RNF111: variants seen among roughly 807,000 people sequenced by gnomAD.
RNF111 encodes the protein ring finger protein 111.
In RNF111, 17 loss-of-function variants were observed where a neutral mutation model predicts 95.1. That is an observed-to-expected ratio of 0.18 (90% CI 0.12 to 0.27). The LOEUF (loss-of-function observed/expected upper bound fraction) is 0.27, where lower values mean the gene tolerates loss of function less well. Among genes scored for constraint, RNF111 ranks in the 10% least tolerant of loss-of-function variants. The pLI is 1.00. For synonymous variants in RNF111, 440 were observed against 414.8 expected (o/e 1.06, Z -0.74); for missense variants, 1,189 against 1,210.4 (o/e 0.98, Z 0.26).
chr15:59,010,593 G>C (rs1025542678), intron 1 of RNF111, among the ~76,000 whole-genome samples: 3 of 151,924 alleles, frequency 2.0e-5, no homozygotes. Flanking sequence ...GTAGGGACAG[G>C]GTTTTACCAT....
intron 6 of RNF111, among the ~76,000 whole-genome samples, chr15:59,070,814 G>A (rs1292226210): frequency 2.6e-5 from 4 of 152,032 alleles, no homozygotes; most frequent in African/African-American, 4.8e-5. Context: ...GGTTCCTCTC[G>A]GGACTGTTGG....
At chr15:59,051,867 A>G (rs567985715) in intron 2 of RNF111, among the ~76,000 whole-genome samples, 1 of 152,092 alleles carries the variant, frequency 6.6e-6, no homozygotes, top group Admixed American at 6.5e-5. Flanking sequence ...GTGTTTTTTT[A>G]AAAGAATATA....
At chr15:59,037,219 G>C (rs147608103) in intron 2 of RNF111, among the ~76,000 whole-genome samples, 144 of 152,070 alleles carry the variant, frequency 9.5e-4, no homozygotes, top group African/African-American at 3.3e-3. Context: ...ACTTTATTAG[G>C]GATTTCTATT....
intron 1 of RNF111, among the ~76,000 whole-genome samples, chr15:58,992,595 A>G (rs2038867820): frequency 6.6e-6 from 1 of 152,078 alleles, no homozygotes; most frequent in Non-Finnish European, 1.5e-5. Context: ...AGGAAGGTGG[A>G]TTGCTTGAGC....
chr15:58,990,163 T>C (rs552945526), intron 1 of RNF111, among the ~76,000 whole-genome samples: 5 of 152,356 alleles, frequency 3.3e-5, no homozygotes, highest in Admixed American at 2.0e-4. Context: ...TTGTTAACCC[T>C]CCTTGGGCTT....
At chr15:58,990,558 G>A (rs532870137) in intron 1 of RNF111, among the ~76,000 whole-genome samples, 7 of 152,326 alleles carry the variant, frequency 4.6e-5, no homozygotes, top group Middle Eastern at 3.4e-3. Flanking sequence ...GCTGAGGCAG[G>A]AGAATGGCTT....
chr15:59,085,645 C>T lies in RNF111; in HGVS notation c.2424-14C>T, dbSNP rs2078876121. ...ACCCTAAGGAGGATTAAACTGTTCT[C>T]ATCCTTTCGTTAGGGAACTGGGAAT... On this transcript the variant is annotated splice_polypyrimidine_tract_variant and intron_variant, in intron 9 of 13. Coordinates refer to ENST00000348370, the MANE Select transcript of RNF111 (RefSeq NM_017610.8). 6.2e-7 allele frequency: 1 copy of T among 1,612,052 alleles called. No individual in the cohort carries two copies. The highest frequency in any genetic ancestry group is 8.5e-7 in the Non-Finnish European group (1 of 1,178,906).
At chr15:58,998,570 C>T (rs1466048789) in intron 1 of RNF111, among the ~76,000 whole-genome samples, 1 of 152,156 alleles carries the variant, frequency 6.6e-6, no homozygotes, top group Non-Finnish European at 1.5e-5. Context: ...CTAGTCACTT[C>T]TTTCATGGAA....
At chr15:59,041,178 G>A (rs761486112) in intron 2 of RNF111, among the ~76,000 whole-genome samples, 1 of 152,072 alleles carries the variant, frequency 6.6e-6, no homozygotes, top group Non-Finnish European at 1.5e-5. Context: ...TCCCTTGCAT[G>A]GTTGTACCAG....
In RNF111 at chr15:59,095,182, C is replaced by T. The variant is rs374995639; in HGVS notation, c.*282C>T. 15 of 302,354 alleles carry T rather than the reference C, an allele frequency of 5.0e-5. No homozygotes were observed. In the East Asian group the frequency reaches 1.5e-3, roughly 30 times the overall value. The allele number at this position is 302,354 out of a possible 1,614,324, so 18.7% of individuals were successfully genotyped here. A position where few individuals can be genotyped will look rare whatever the true frequency, so the allele number is the denominator to read the frequency against. ...TGCATTTCTTTGCACATATTATGGG[C>T]TTGTGACCCTAAACTTGCAGGCAAG... On this transcript the variant is annotated 3_prime_UTR_variant, in exon 14 of 14. Transcript: ENST00000348370.
intron 1 of RNF111, among the ~76,000 whole-genome samples, chr15:59,005,241 G>A (rs1413683743): frequency 6.6e-6 from 1 of 152,138 alleles, no homozygotes; most frequent in African/African-American, 2.4e-5. Context: ...TGCCTAGGCT[G>A]ATCTCAAACT....
chr15:59,052,805 G>A (rs1360065867), intron 3 of RNF111, among the ~76,000 whole-genome samples: 3 of 151,920 alleles, frequency 2.0e-5, no homozygotes, highest in Admixed American at 1.3e-4. Flanking sequence ...TCCCATACTT[G>A]AACTAGAATT....
chr15:59,063,434 G>A (rs755288571), intron 5 of RNF111, among the ~76,000 whole-genome samples: 1 of 152,126 alleles, frequency 6.6e-6, no homozygotes, highest in Non-Finnish European at 1.5e-5. Flanking sequence ...CTCCTAGGAG[G>A]CACTTTAACC....
At chr15:59,044,241 G>C (rs2041604678) in intron 2 of RNF111, among the ~76,000 whole-genome samples, 1 of 152,186 alleles carries the variant, frequency 6.6e-6, no homozygotes, top group Non-Finnish European at 1.5e-5. Context: ...ATGTTGGCCA[G>C]ATTGGTCTCA....
At chr15:59,015,133 A>G (rs1475460057) in intron 1 of RNF111, among the ~76,000 whole-genome samples, 5 of 152,212 alleles carry the variant, frequency 3.3e-5, no homozygotes, top group African/African-American at 1.2e-4. Flanking sequence ...ACTTACTAGG[A>G]CCAAAGTCGA....
rs1238076150 is a variant in RNF111, at chr15:59,091,038, CATTAT to C, written c.2644-17_2644-13del. 1 of 1,450,620 alleles carries C rather than the reference CATTAT, an allele frequency of 6.9e-7. No homozygotes were observed. The highest frequency in any genetic ancestry group is 1.2e-5 in the South Asian group (1 of 85,736). 89.9% of individuals were successfully genotyped at this position (1,450,620 alleles called of 1,614,324 possible). A position where few individuals can be genotyped will look rare whatever the true frequency, so the allele number is the denominator to read the frequency against. ...AATAATCATCTTGGCTTTTACCAGT[CATTAT>C]ATTCTTCACTTTCAGGAACTGATTC... On this transcript the variant is annotated splice_polypyrimidine_tract_variant and intron_variant, in intron 11 of 13. Transcript: ENST00000348370.
intron 10 of RNF111, among the ~76,000 whole-genome samples, chr15:59,087,381 T>C (rs1462966608): frequency 2.0e-5 from 3 of 152,158 alleles, no homozygotes; most frequent in Admixed American, 2.0e-4. Context: ...ACTTGAACAA[T>C]GCAGAGGTTA....
chr15:59,031,543 G>C lies in RNF111; in HGVS notation c.721G>C (p.Val241Leu), dbSNP rs760814492. 4.3e-6 allele frequency: 7 copies of C among 1,614,114 alleles called. No homozygotes were observed. The Admixed American group carries it at 1.2e-4, about 27-fold the overall frequency. ...RILMQRKKRE[V>L]LARRKYALLP... The stretch of plus-strand genomic sequence containing the variant: ...ATTAATGCAGAGGAAGAAACGAGAA[G>C]TGTTAGCTCGAAGAAAATATGCCTT... The change falls in exon 2 of 14, where the codon GTG becomes CTG. Residue 241 changes from valine (V) to leucine (L), a missense_variant. By Grantham distance (32) the Val-to-Leu change is conservative. Transcript: ENST00000348370.
At chr15:58,996,908 C>A (rs2039101176) in intron 1 of RNF111, among the ~76,000 whole-genome samples, 1 of 152,034 alleles carries the variant, frequency 6.6e-6, no homozygotes, top group Non-Finnish European at 1.5e-5. Flanking sequence ...CTCCTAATCT[C>A]CTAGTTGTAC....
Sources: allele counts gnomAD v4.1 joint callset (sites outside exome capture counted in the v4.1 genomes callset), GRCh38; gene constraint gnomAD v4.1.1; transcripts MANE v1.5; gene names NCBI Gene and HGNC (gene_info 2026-07-23, HGNC 2026-07-21).